Variants in PBX3 observed in about 807,000 individuals in gnomAD.
The protein encoded by PBX3 is PBX homeobox 3, also known as pre-B-cell leukemia transcription factor 3.
A neutral mutation model predicts 48.5 loss-of-function variants in PBX3; 14 were observed. The ratio of observed to expected loss-of-function variants is 0.29; its 90% confidence interval spans 0.19 to 0.45. PBX3 has a LOEUF of 0.45. PBX3 is among the 20% of genes least tolerant of loss of function. PBX3 has a pLI of 1.00. For synonymous variants in PBX3, 210 were observed against 200.3 expected, an observed-to-expected ratio of 1.05 and a Z score of -0.41; for missense variants, 386 against 546.7, an observed-to-expected ratio of 0.71 and a Z score of 2.93.
At chr9:125,857,727 G>A (rs1839759453) in intron 2 of PBX3, among the ~76,000 whole-genome samples, 1 of 152,100 alleles carries the variant, frequency 6.6e-6, no homozygotes, top group Admixed American at 6.5e-5. Context: ...GCTATAACAT[G>A]TTCATGATAA....
At chr9:125,786,631 A>G (rs553350331) in intron 2 of PBX3, among the ~76,000 whole-genome samples, 2 of 152,272 alleles carry the variant, frequency 1.3e-5, no homozygotes, top group Non-Finnish European at 2.9e-5. Context: ...AGAGGAATAG[A>G]GTTAAGAGCA....
rs554904044 is a variant in PBX3, at chr9:125,927,571, T to C, written c.517-2084T>C. Among the ~76,000 whole-genome samples, 4 of 152,356 alleles carry C rather than the reference T, an allele frequency of 2.6e-5. No individual in the cohort carries two copies. In the South Asian group the frequency reaches 8.3e-4, roughly 32 times the overall value. On this transcript the variant is annotated intron_variant, in intron 3 of 8. Coordinates refer to ENST00000373489, the MANE Select transcript of PBX3 (RefSeq NM_006195.6). ...TGCATTGATCAGTGATTTTTCTGTC[T>C]TCTCACTCCATCAGGGACACCCGTG...
intron 2 of PBX3, among the ~76,000 whole-genome samples, chr9:125,780,254 T>C (rs1588138763): frequency 9.1e-6 from 1 of 110,150 alleles, no homozygotes; most frequent in Admixed American, 9.5e-5. Context: ...GCCCCCCACC[T>C]CCCTCCCGGA....
intron 2 of PBX3, among the ~76,000 whole-genome samples, chr9:125,785,339 A>G (rs1360642166): frequency 6.6e-6 from 1 of 152,210 alleles, no homozygotes; most frequent in Non-Finnish European, 1.5e-5. Context: ...GGCACCATTC[A>G]ATCAGCTGCC....
chr9:125,761,272 A>G (rs1836660432), intron 2 of PBX3, among the ~76,000 whole-genome samples: 1 of 151,924 alleles, frequency 6.6e-6, no homozygotes, highest in South Asian at 2.1e-4. Flanking sequence ...TTTACAGCCA[A>G]TGGTGATATT....
intron 2 of PBX3, among the ~76,000 whole-genome samples, chr9:125,885,542 A>AATATTAAAC (rs1840478123): frequency 1.3e-5 from 2 of 152,120 alleles, no homozygotes; most frequent in South Asian, 2.1e-4. Flanking sequence ...CATTCATTTT[A>AATATTAAAC]ATATGTAGAA....
chr9:125,856,185 T>C (rs1839715355), intron 2 of PBX3, among the ~76,000 whole-genome samples: 2 of 152,188 alleles, frequency 1.3e-5, no homozygotes, highest in Non-Finnish European at 1.5e-5. Flanking sequence ...ATGAGAGATA[T>C]TAACAAATAA....
At chr9:125,836,424 G>A (rs1457059051) in intron 2 of PBX3, among the ~76,000 whole-genome samples, 3 of 152,002 alleles carry the variant, frequency 2.0e-5, no homozygotes, top group Non-Finnish European at 4.4e-5. Context: ...CAGCCTGGGC[G>A]ACAGAGCGAG....
chr9:125,817,825 G>A (rs573861033), intron 2 of PBX3, among the ~76,000 whole-genome samples: 3 of 152,214 alleles, frequency 2.0e-5, no homozygotes, highest in South Asian at 4.1e-4. Flanking sequence ...AAAAAATTGC[G>A]GTGGAATTCC....
chr9:125,877,595 CT>C (rs576527845), intron 2 of PBX3, among the ~76,000 whole-genome samples: 66 of 152,258 alleles, frequency 4.3e-4, no homozygotes, highest in African/African-American at 1.5e-3. Context: ...GCTATATAAT[CT>C]TTTTTTATCC....
intron 2 of PBX3, among the ~76,000 whole-genome samples, chr9:125,815,632 A>C (rs1838437314): frequency 6.6e-6 from 1 of 151,880 alleles, no homozygotes; most frequent in Admixed American, 6.6e-5. Flanking sequence ...TTACCTCTTA[A>C]TTATTTTTGG....
At chr9:125,911,929 G>A (rs979087609) in intron 2 of PBX3, among the ~76,000 whole-genome samples, 1 of 152,130 alleles carries the variant, frequency 6.6e-6, no homozygotes, top group African/African-American at 2.4e-5. Context: ...CTAGATCTTA[G>A]TTACGTCTAA....
chr9:125,755,856 A>T (rs997990688), intron 2 of PBX3, among the ~76,000 whole-genome samples: 1 of 151,882 alleles, frequency 6.6e-6, no homozygotes, highest in African/African-American at 2.4e-5. Flanking sequence ...ACTGAATATA[A>T]AGTTTTTATT....
intron 2 of PBX3, among the ~76,000 whole-genome samples, chr9:125,789,748 C>T (rs572915996): frequency 1.4e-3 from 214 of 152,152 alleles, no homozygotes; most frequent in Non-Finnish European, 2.3e-3. Context: ...GGCTGCCTAC[C>T]ACTCTGGGTG....
intron 2 of PBX3, among the ~76,000 whole-genome samples, chr9:125,862,832 CTG>C (rs1188045945): frequency 3.3e-5 from 5 of 152,128 alleles, no homozygotes; most frequent in African/African-American, 1.2e-4. Flanking sequence ...ACTTTTAGGA[CTG>C]TATTAAATTT....
At chr9:125,920,045 A>G (rs1239967605) in intron 3 of PBX3, among the ~76,000 whole-genome samples, 2 of 152,216 alleles carry the variant, frequency 1.3e-5, no homozygotes, top group African/African-American at 2.4e-5. Flanking sequence ...CACTTTTGAA[A>G]TATTAGGCAT....
chr9:125,820,847 A>T (rs755994716), intron 2 of PBX3, among the ~76,000 whole-genome samples: 1 of 152,202 alleles, frequency 6.6e-6, no homozygotes, highest in Non-Finnish European at 1.5e-5. Flanking sequence ...GCCTTGAAAT[A>T]TAATTATGAG....
At chr9:125,766,189 T>G (rs947892631) in intron 2 of PBX3, among the ~76,000 whole-genome samples, 20 of 152,122 alleles carry the variant, frequency 1.3e-4, no homozygotes, top group African/African-American at 4.6e-4. Flanking sequence ...TATTATTAGA[T>G]ATATATCTGC....
At chr9:125,961,989 T>G in intron 6 of PBX3, 113 bp from the exon 7 acceptor site, 1 of 575,436 alleles carries the variant, frequency 1.7e-6, no homozygotes. Context: ...AAATGCTTTA[T>G]GTTGTGCACA....
Sources: allele counts gnomAD v4.1 joint callset (sites outside exome capture counted in the v4.1 genomes callset), GRCh38; gene constraint gnomAD v4.1.1; transcripts MANE v1.5; gene names NCBI Gene and HGNC (gene_info 2026-07-23, HGNC 2026-07-21).